Variants in SCN2A observed in about 807,000 individuals in gnomAD.
SCN2A encodes the protein sodium voltage-gated channel alpha subunit 2, also known as sodium channel protein type 2 subunit alpha.
SCN2A carries 20 observed loss-of-function variants against 188.7 expected under a neutral mutation model. The ratio of observed to expected loss-of-function variants is 0.11; its 90% CI spans 0.07 to 0.15. The LOEUF is 0.15. SCN2A is among the 10% of genes least tolerant of loss of function. The pLI is 1.00. For missense variants in SCN2A, 1,278 were observed against 2,445.0 expected (o/e 0.52, Z 10.07); for synonymous variants, 804 against 833.1 (o/e 0.97, Z 0.60).
intron 15 of SCN2A, among the ~76,000 whole-genome samples, chr2:165,344,352 T>C (rs1262970621): frequency 6.6e-6 from 1 of 152,016 alleles, no homozygotes; most frequent in Non-Finnish European, 1.5e-5. Flanking sequence ...ACCTGTACAT[T>C]TGCCCTGTTA....
intron 1 of SCN2A, among the ~76,000 whole-genome samples, chr2:165,248,089 A>T (rs1319848942): frequency 6.6e-6 from 1 of 152,120 alleles, no homozygotes; most frequent in Non-Finnish European, 1.5e-5. Flanking sequence ...TCACACTGCT[A>T]CCCTGCTCAA....
At chr2:165,281,677 G>A (rs1050003362) in intron 1 of SCN2A, among the ~76,000 whole-genome samples, 1 of 152,064 alleles carries the variant, frequency 6.6e-6, no homozygotes, top group Non-Finnish European at 1.5e-5. Flanking sequence ...CTGTTTTTGC[G>A]TTTCAAAGGA....
chr2:165,251,357 A>G (rs1399810818), intron 1 of SCN2A, among the ~76,000 whole-genome samples: 1 of 152,104 alleles, frequency 6.6e-6, no homozygotes, highest in Non-Finnish European at 1.5e-5. Context: ...AAGAAACGAT[A>G]ATATGTGTAG....
At chr2:165,262,368 C>G (rs562002472) in intron 1 of SCN2A, among the ~76,000 whole-genome samples, 1 of 152,082 alleles carries the variant, frequency 6.6e-6, no homozygotes, top group East Asian at 1.9e-4. Context: ...ATCTCTCACC[C>G]CCTCCCACCA....
chr2:165,311,972 G>A, intron 7 of SCN2A, 53 bp from the exon 8 acceptor site: 1 of 1,325,976 alleles, frequency 7.5e-7, no homozygotes, highest in South Asian at 1.2e-5. Flanking sequence ...CAGGGTGGCT[G>A]AAGTGTTTTA....
chr2:165,260,970 CAAA>C (rs760304392), intron 1 of SCN2A, among the ~76,000 whole-genome samples: 2 of 90,388 alleles, frequency 2.2e-5, no homozygotes. Flanking sequence ...AACTCCGTCT[CAAA>C]AAAAAAAAAA....
intron 1 of SCN2A, among the ~76,000 whole-genome samples, chr2:165,281,462 GT>G (rs1438932826): frequency 1.3e-5 from 2 of 152,090 alleles, no homozygotes; most frequent in Non-Finnish European, 2.9e-5. Flanking sequence ...ATGAAAGCAA[GT>G]GCAAAGCCAT....
intron 1 of SCN2A, among the ~76,000 whole-genome samples, chr2:165,276,117 C>T (rs890616888): frequency 2.0e-5 from 3 of 152,138 alleles, no homozygotes; most frequent in African/African-American, 7.2e-5. Flanking sequence ...AGATGTAAAC[C>T]AGTTTTGTCT....
Position 165,313,772 on chromosome 2 carries a change from A to T in SCN2A, c.1176+11A>T, listed in dbSNP as rs1417950024. 3 of 1,613,594 alleles carry T rather than the reference A, an allele frequency of 1.9e-6. No homozygotes were observed. The African/African-American group carries it at 4.0e-5, about 22-fold the overall frequency. The stretch of plus-strand genomic sequence containing the variant: ...AACCTTTATCAACTGGTGAGAACAG[A>T]TAAAATCATTTTTCTGAGAATCATA... On this transcript the variant is annotated intron_variant, in intron 9 of 26. Coordinates refer to ENST00000375437, the MANE Select transcript of SCN2A (RefSeq NM_001040142.2).
chr2:165,334,118 A>G (rs1192004054), intron 14 of SCN2A, among the ~76,000 whole-genome samples: 1 of 151,382 alleles, frequency 6.6e-6, no homozygotes, highest in Non-Finnish European at 1.5e-5. Context: ...TGAATTCACA[A>G]TTAAAAAAAA....
chr2:165,262,038 C>T (rs1694617264), intron 1 of SCN2A, among the ~76,000 whole-genome samples: 1 of 152,168 alleles, frequency 6.6e-6, no homozygotes, highest in Non-Finnish European at 1.5e-5. Context: ...AAAGGATACA[C>T]ATTATGGTTG....
rs1558885404 is a variant in SCN2A at position 165,388,614 on chromosome 2, GT to G, written c.4823-13del. On this transcript the variant is annotated splice_polypyrimidine_tract_variant and intron_variant, in intron 26 of 26. Coordinates refer to ENST00000375437, the MANE Select transcript of SCN2A (RefSeq NM_001040142.2). ...AAGTATAACAATATTTTTGTTATTTGTTGATTTTCTACAGGAATGTTTCTGG... is the reference window on the plus strand; with the variant it reads ...AAGTATAACAATATTTTTGTTATTTGTGATTTTCTACAGGAATGTTTCTGG... The G allele has an allele frequency of 6.2e-7, 1 of 1,613,560 alleles. No homozygotes were observed. The highest frequency in any genetic ancestry group is 1.1e-5 in the South Asian group (1 of 91,044).
chr2:165,346,051 G>T (rs181916179), intron 16 of SCN2A, among the ~76,000 whole-genome samples: 1 of 152,092 alleles, frequency 6.6e-6, no homozygotes, highest in Non-Finnish European at 1.5e-5. Context: ...CTCTCTTCTG[G>T]CTTGTAGGGT....
At chr2:165,363,333 C>G (rs1291877694) in intron 17 of SCN2A, among the ~76,000 whole-genome samples, 1 of 152,082 alleles carries the variant, frequency 6.6e-6, no homozygotes, top group Non-Finnish European at 1.5e-5. Flanking sequence ...CGAAGTCTTA[C>G]CCCGTTCTGT....
chr2:165,292,618 A>G (rs868157603), intron 1 of SCN2A, among the ~76,000 whole-genome samples: 2 of 152,308 alleles, frequency 1.3e-5, no homozygotes, highest in East Asian at 1.9e-4. Flanking sequence ...ACATTTTCCA[A>G]TGAAAATGAT....
chr2:165,315,315 T>G (rs1697671758), intron 10 of SCN2A, among the ~76,000 whole-genome samples, 156 bp from the exon 11 acceptor site: 1 of 152,204 alleles, frequency 6.6e-6, no homozygotes, highest in African/African-American at 2.4e-5. Flanking sequence ...ACTCTTTGAT[T>G]GGTCTAATAA....
Position 165,303,207 on chromosome 2 carries a change from C to T in SCN2A, c.387-4641C>T, listed in dbSNP as rs55640063. ...GTTTCTATACTTTTTTGATGCATGGCATCACCAATGCAAAATCCATACCTA... is the reference window on the plus strand; with the variant it reads ...GTTTCTATACTTTTTTGATGCATGGTATCACCAATGCAAAATCCATACCTA... On this transcript the variant is annotated intron_variant, in intron 3 of 26. Transcript: ENST00000375437. Among the ~76,000 whole-genome samples the T allele has an allele frequency of 6.6e-3, 996 of 150,444 alleles. 7 individuals are homozygous for T. The highest frequency in any genetic ancestry group is 0.011 in the Non-Finnish European group (719 of 67,784).
intron 1 of SCN2A, among the ~76,000 whole-genome samples, chr2:165,291,291 G>A (rs1696097872): frequency 6.6e-6 from 1 of 151,436 alleles, no homozygotes; most frequent in Non-Finnish European, 1.5e-5. Context: ...CAATCTGCCT[G>A]CTTCGGCCTC....
chr2:165,389,555 A>T lies in SCN2A; in HGVS notation c.5749A>T (p.Arg1917Ter). Reference sequence around the variant, plus strand: ...TGCTATTATTATCCAGAGGGCTTACAGACGCTACCTCTTGAAGCAAAAAGT... The same window carrying T: ...TGCTATTATTATCCAGAGGGCTTACTGACGCTACCTCTTGAAGCAAAAAGT... ...VSAIIIQRAY[R>*]RYLLKQKVKK... Residue 1917 changes from arginine to a stop codon, truncating the protein, a stop_gained, in exon 27 of 27, where the codon AGA becomes TGA. Coordinates refer to ENST00000375437, the MANE Select transcript of SCN2A (RefSeq NM_001040142.2). LOFTEE classifies it high-confidence loss of function. The surrounding 1 kb of genome is among the most constrained non-coding windows in gnomAD (Gnocchi z 4.2). 1 of 1,614,010 alleles carries T rather than the reference A, an allele frequency of 6.2e-7. No homozygotes were observed.
Sources: allele counts gnomAD v4.1 joint callset (sites outside exome capture counted in the v4.1 genomes callset), GRCh38; gene constraint gnomAD v4.1.1; non-coding constraint Gnocchi (gnomAD v3.1); transcripts MANE v1.5; gene names NCBI Gene and HGNC (gene_info 2026-07-23, HGNC 2026-07-21).